BCL11B: variants seen among roughly 807,000 people sequenced by gnomAD.
The protein encoded by BCL11B is BCL11 transcription factor B, also known as B-cell lymphoma/leukemia 11B.
Under a neutral mutation model 49.9 loss-of-function variants are expected in BCL11B, and 8 were observed. The ratio of observed to expected loss-of-function variants is 0.16; its 90% CI spans 0.09 to 0.29. BCL11B has a LOEUF of 0.29. BCL11B is among the 10% of genes least tolerant of loss of function. The probability of loss-of-function intolerance (pLI) is 1.00; values close to 1 mark genes in which losing one functional copy is unlikely to be tolerated. For missense variants in BCL11B, 1,006 were observed against 1,351.0 expected (o/e 0.74, Z 4.00); for synonymous variants, 739 against 637.4 (o/e 1.16, Z -2.40).
intron 1 of BCL11B, among the ~76,000 whole-genome samples, chr14:99,261,857 G>C (rs1168294728): frequency 1.3e-5 from 2 of 152,004 alleles, no homozygotes; most frequent in Non-Finnish European, 2.9e-5. Flanking sequence ...AAATCCTAAA[G>C]TGCAGGGACA....
rs956814973 is a variant in BCL11B at position 99,192,773 on chromosome 14, T to G, written c.641-16578A>C. Reference sequence around the variant, plus strand: ...CCATAAATGCGAGTGACACCTGTATTGAGGATGTGGAAAGATTCCAGAGCG... The same window carrying G: ...CCATAAATGCGAGTGACACCTGTATGGAGGATGTGGAAAGATTCCAGAGCG... On this transcript the variant is annotated intron_variant, in intron 3 of 3. Transcript: ENST00000357195. This position sits in a 1 kb window ranked among gnomAD's most constrained non-coding sequence, Gnocchi z 4.0. Among the ~76,000 whole-genome samples the G allele has an allele frequency of 1.3e-5, 2 of 152,224 alleles. No individual in the cohort carries two copies. Among genetic ancestry groups the G allele is most frequent in the Admixed American group, 6.5e-5 (1 of 15,296 alleles).
intron 3 of BCL11B, among the ~76,000 whole-genome samples, chr14:99,199,603 G>A (rs2139814885): frequency 6.6e-6 from 1 of 151,498 alleles, no homozygotes; most frequent in Middle Eastern, 3.4e-3. Flanking sequence ...CTTTTTGACT[G>A]AAAAGGGAGA....
In BCL11B at chr14:99,174,078, G is replaced by A. The variant is rs1886382256; in HGVS notation, c.*73C>T. 1 of 1,485,874 alleles carries A rather than the reference G, an allele frequency of 6.7e-7. No individual in the cohort carries two copies. 92.0% of individuals were successfully genotyped at this position (1,485,874 alleles called of 1,614,324 possible). A position where few individuals can be genotyped will look rare whatever the true frequency, so the allele number is the denominator to read the frequency against. Reference sequence around the variant, plus strand: ...GGTGCGGGGTGGCGGTGACACGGAGGCAAGTCAGGTCAGCATTCTCTCGGT... The same window carrying A: ...GGTGCGGGGTGGCGGTGACACGGAGACAAGTCAGGTCAGCATTCTCTCGGT... On this transcript the variant is annotated 3_prime_UTR_variant, in exon 4 of 4. Coordinates refer to ENST00000357195, the MANE Select transcript of BCL11B (RefSeq NM_138576.4).
chr14:99,229,964 C>T (rs977740646), intron 3 of BCL11B, among the ~76,000 whole-genome samples: 2 of 152,210 alleles, frequency 1.3e-5, no homozygotes, highest in African/African-American at 4.8e-5. Flanking sequence ...GAAAAGGGAG[C>T]CGGCGTCTTT....
In BCL11B at chr14:99,231,164, AG is replaced by A. The variant is rs1200097038; in HGVS notation, c.640+180del. 6.6e-6 allele frequency among the ~76,000 whole-genome samples: 1 copy of A among 152,038 alleles called. No homozygotes were observed. The highest frequency in any genetic ancestry group is 1.5e-5 in the Non-Finnish European group (1 of 67,998). ...GGGCACCGTGGGGGACTCCTGACCGAGGGGCACCGGGCCCTGGCTCATAGTT... is the reference window on the plus strand; with the variant it reads ...GGGCACCGTGGGGGACTCCTGACCGAGGGCACCGGGCCCTGGCTCATAGTT... On this transcript the variant is annotated intron_variant, in intron 3 of 3. Coordinates refer to ENST00000357195, the MANE Select transcript of BCL11B (RefSeq NM_138576.4). This position sits in a 1 kb window ranked among gnomAD's most constrained non-coding sequence, Gnocchi z 8.1.
intron 2 of BCL11B, among the ~76,000 whole-genome samples, chr14:99,254,365 T>A (rs948293087): frequency 1.3e-5 from 2 of 152,250 alleles, no homozygotes; most frequent in African/African-American, 4.8e-5. Context: ...AGAATCCCCC[T>A]GCAGTTCTCA....
chr14:99,270,409 A>G (rs1171896098), intron 1 of BCL11B, among the ~76,000 whole-genome samples: 1 of 146,624 alleles, frequency 6.8e-6, no homozygotes, highest in Non-Finnish European at 1.5e-5. Flanking sequence ...ACCAACCCCA[A>G]TCCCCCCACC....
Position 99,232,917 on chromosome 14 carries a change from T to A in BCL11B, c.428-1360A>T, listed in dbSNP as rs910561951. 1.3e-4 allele frequency among the ~76,000 whole-genome samples: 20 copies of A among 152,132 alleles called. No individual in the cohort carries two copies. Among genetic ancestry groups the A allele is most frequent in the Non-Finnish European group, 2.9e-4 (20 of 68,008 alleles). On this transcript the variant is annotated intron_variant, in intron 2 of 3. Coordinates refer to ENST00000357195, the MANE Select transcript of BCL11B (RefSeq NM_138576.4). This position sits in a 1 kb window ranked among gnomAD's most constrained non-coding sequence, Gnocchi z 5.1. ...GCTTAGGGATTGCAAGCTGTCAGTG[T>A]CCTGTCAAGAGGTCAAAGCTAACAC... is the stretch of plus-strand genomic sequence containing the variant.
At chr14:99,243,805 C>T (rs1888738826) in intron 2 of BCL11B, among the ~76,000 whole-genome samples, 1 of 152,052 alleles carries the variant, frequency 6.6e-6, no homozygotes, top group Non-Finnish European at 1.5e-5. Flanking sequence ...TAACACAGCA[C>T]CTCCGAAGGA....
At position 99,175,780 on chromosome 14, in the gene BCL11B, G is replaced by A. The variant is rs769990544; in HGVS notation, c.1056C>T (p.Asn352=). The change falls in exon 4 of 4, where the codon AAC becomes AAT. Residue 352 remains asparagine, a synonymous_variant. Transcript: ENST00000357195. ...TGGCGGGCGAGTCGATGGCCATGGG[G>A]TTCAGGCGCATGACTCGGTCGAAGG... The part of the protein sequence containing the change: ...PSAFDRVMRL[N]PMAIDSPAMD... The A allele has an allele frequency of 2.0e-6, 3 of 1,472,310 alleles. No homozygotes were observed. Among genetic ancestry groups the A allele is most frequent in the South Asian group, 1.4e-5 (1 of 71,272 alleles). 91.2% of individuals were successfully genotyped at this position (1,472,310 alleles called of 1,614,324 possible). A position where few individuals can be genotyped will look rare whatever the true frequency, so the allele number is the denominator to read the frequency against.
chr14:99,177,684 G>A (rs1201252188), intron 3 of BCL11B, among the ~76,000 whole-genome samples: 1 of 151,212 alleles, frequency 6.6e-6, no homozygotes, highest in Non-Finnish European at 1.5e-5. Context: ...AAAGTACAGG[G>A]GCCACAAGCT....
Position 99,228,336 on chromosome 14 carries a change from A to C in BCL11B, c.640+3009T>G, listed in dbSNP as rs1377795958. 6.6e-6 allele frequency among the ~76,000 whole-genome samples: 1 copy of C among 152,224 alleles called. No individual in the cohort carries two copies. The highest frequency in any genetic ancestry group is 1.5e-5 in the Non-Finnish European group (1 of 68,034). ...CCAGTGCCAGGGACACAAATCACAA[A>C]GGGACAAAAAACACCAGAATAGGAT... is the stretch of plus-strand genomic sequence containing the variant. On this transcript the variant is annotated intron_variant, in intron 3 of 3. Transcript: ENST00000357195. This position sits in a 1 kb window ranked among gnomAD's most constrained non-coding sequence, Gnocchi z 4.8.
intron 3 of BCL11B, among the ~76,000 whole-genome samples, chr14:99,230,126 G>A (rs1176704083): frequency 6.6e-6 from 1 of 152,084 alleles, no homozygotes; most frequent in Non-Finnish European, 1.5e-5. Context: ...AAAGCTCCAG[G>A]CCACCCTACT....
At chr14:99,237,588 T>C (rs1338666404) in intron 2 of BCL11B, among the ~76,000 whole-genome samples, 2 of 152,220 alleles carry the variant, frequency 1.3e-5, no homozygotes, top group South Asian at 2.1e-4. Context: ...GGGCACCCGA[T>C]GGCCATTACG....
intron 1 of BCL11B, chr14:99,264,807 T>C (rs1037352085): frequency 2.0e-5 from 3 of 152,116 alleles, no homozygotes; most frequent in African/African-American, 7.2e-5. Context: ...ACGCAAGAAA[T>C]GTGTCCTTCT....
At chr14:99,215,806 T>C (rs959247696) in intron 3 of BCL11B, among the ~76,000 whole-genome samples, 1 of 152,182 alleles carries the variant, frequency 6.6e-6, no homozygotes, top group Non-Finnish European at 1.5e-5. Flanking sequence ...ACTTGACTTT[T>C]AGTGCAGTGA....
rs890564740 is a variant in BCL11B at position 99,270,792 on chromosome 14, C to G, written c.58+369G>C. The stretch of plus-strand genomic sequence containing the variant: ...TCCCCCAGCCCCCTCCCCCTCCTCT[C>G]CAAACCCCGCCACCAGCGCCGCCGC... On this transcript the variant is annotated intron_variant, in intron 1 of 3. Transcript: ENST00000357195. Among the ~76,000 whole-genome samples, 420 of 147,094 alleles carry G rather than the reference C, an allele frequency of 2.9e-3. 3 individuals are homozygous for G. Among genetic ancestry groups the G allele is most frequent in the African/African-American group, 0.01 (404 of 40,098 alleles).
intron 1 of BCL11B, among the ~76,000 whole-genome samples, chr14:99,266,762 G>A (rs1358107212): frequency 2.6e-5 from 4 of 152,338 alleles, no homozygotes; most frequent in East Asian, 1.9e-4. Flanking sequence ...CGCTAGGCGC[G>A]GCTCGGCGTT....
intron 2 of BCL11B, among the ~76,000 whole-genome samples, chr14:99,235,022 G>A (rs2793325): frequency 6.6e-6 from 1 of 152,154 alleles, no homozygotes; most frequent in African/African-American, 2.4e-5. Context: ...GGACTTTGCA[G>A]AGGCTCCTGC....
Sources: gnomAD v4.1 joint callset for allele counts (sites outside exome capture counted in the v4.1 genomes callset) on GRCh38, gnomAD v4.1.1 for gene constraint, Gnocchi (gnomAD v3.1) non-coding constraint, MANE v1.5 for transcripts, NCBI Gene and HGNC (gene_info 2026-07-23, HGNC 2026-07-21) for gene names.